NAV2: variants seen among roughly 807,000 people sequenced by gnomAD.
NAV2 encodes neuron navigator 2.
NAV2 carries 54 observed loss-of-function variants against 223.2 expected under a neutral mutation model. That is an observed-to-expected ratio of 0.24 (90% CI 0.19 to 0.30). The LOEUF (loss-of-function observed/expected upper bound fraction) is 0.30, where lower values mean the gene tolerates loss of function less well. Ranked by LOEUF, NAV2 falls within the 10% of genes least tolerant of loss-of-function variation. NAV2 has a pLI of 1.00. For missense variants in NAV2, 2,806 were observed against 3,147.5 expected, an observed-to-expected ratio of 0.89 and a Z score of 2.60; for synonymous variants, 1,279 against 1,239.3, an observed-to-expected ratio of 1.03 and a Z score of -0.67.
chr11:19,971,253 G>T (rs1243687787), intron 10 of NAV2, among the ~76,000 whole-genome samples: 2 of 152,054 alleles, frequency 1.3e-5, no homozygotes, highest in Non-Finnish European at 2.9e-5. Context: ...GCGAGGGACG[G>T]GGGTTATGTG....
chr11:19,638,771 G>A (rs1021486890), intron 1 of NAV2, among the ~76,000 whole-genome samples: 3 of 152,160 alleles, frequency 2.0e-5, no homozygotes, highest in Non-Finnish European at 4.4e-5. Context: ...GAGGCAGGCA[G>A]ATCACGAGGT....
At chr11:19,728,183 A>C (rs1559663) in intron 1 of NAV2, among the ~76,000 whole-genome samples, 4,557 of 152,270 alleles carry the variant, frequency 0.03, 232 homozygotes, top group African/African-American at 0.1. Context: ...GGCCACTGGC[A>C]TCACCATAGC....
At chr11:19,622,994 T>C (rs1036336709) in intron 1 of NAV2, among the ~76,000 whole-genome samples, 11 of 152,194 alleles carry the variant, frequency 7.2e-5, no homozygotes, top group Non-Finnish European at 1.5e-4. Context: ...TGCTTGTCTG[T>C]AAAGGATTTT....
chr11:19,716,234 G>A (rs1250376884), intron 1 of NAV2, among the ~76,000 whole-genome samples: 1 of 152,198 alleles, frequency 6.6e-6, no homozygotes, highest in African/African-American at 2.4e-5. Context: ...ATTTTTGGCA[G>A]GAGATTGGGT....
At chr11:19,663,289 G>A (rs2048334521) in intron 1 of NAV2, among the ~76,000 whole-genome samples, 1 of 152,172 alleles carries the variant, frequency 6.6e-6, no homozygotes, top group African/African-American at 2.4e-5. Flanking sequence ...TGATGTTTAT[G>A]GGGTGCTTAT....
rs1043353861 is a variant in NAV2 at position 19,787,275 on chromosome 11, T to A, written c.268-45209T>A. ...CTGGCTAATTTTTATTGGATCTTTTTTTTTTTTTTTTTTTTTTTTTTTTGG... is the reference window on the plus strand; with the variant it reads ...CTGGCTAATTTTTATTGGATCTTTTATTTTTTTTTTTTTTTTTTTTTTTGG... On this transcript the variant is annotated intron_variant, in intron 1 of 37. Transcript: ENST00000349880. Among the ~76,000 whole-genome samples the A allele has an allele frequency of 7.0e-3, 865 of 122,814 alleles. 45 individuals carry two copies. The highest frequency in any genetic ancestry group is 0.02 in the South Asian group (71 of 3,626). The allele number at this position is 122,814 out of a possible 152,430, so 80.6% of individuals were successfully genotyped here.
intron 1 of NAV2, chr11:19,385,164 CGA>C (rs1007402433): frequency 6.6e-6 from 1 of 152,096 alleles, no homozygotes; most frequent in Non-Finnish European, 1.5e-5. Flanking sequence ...GGCTAAAATA[CGA>C]GAGTCTAACA....
At chr11:19,725,022 G>A (rs1590188860) in intron 1 of NAV2, among the ~76,000 whole-genome samples, 2 of 152,216 alleles carry the variant, frequency 1.3e-5, no homozygotes, top group Non-Finnish European at 2.9e-5. Flanking sequence ...CATTGTGCAA[G>A]CTAAAGCAGT....
intron 1 of NAV2, among the ~76,000 whole-genome samples, chr11:19,632,145 T>C (rs1440362828): frequency 1.3e-5 from 2 of 152,210 alleles, no homozygotes; most frequent in South Asian, 4.1e-4. Flanking sequence ...CTGTATTGGT[T>C]GGATTTCCTG....
In NAV2 at chr11:20,048,775, A is replaced by G. The variant is rs1337751062; in HGVS notation, c.3950A>G (p.Glu1317Gly). 3 of 1,614,174 alleles carry G rather than the reference A, an allele frequency of 1.9e-6. No homozygotes were observed. The highest frequency in any genetic ancestry group is 1.1e-5 in the South Asian group (1 of 91,082). ...AAGCAAGTGCCCATCGCCACAGCTG[A>G]AAACATGAAAAATTCGGTGGTCATC... ...PTKQVPIATA[E>G]NMKNSVVISN... is the part of the protein sequence containing the mutation. The change falls in exon 15 of 38, where the codon GAA (glutamate) becomes GGA (glycine). Residue 1317 changes from glutamate to glycine, a missense_variant. Around this residue, in one of 4 missense-constraint regions of NAV2, gnomAD observed 742 missense variants for 777.9 expected, o/e 0.95. Transcript: ENST00000349880.
At chr11:20,113,755 T>C (rs974182962) in intron 36 of NAV2, among the ~76,000 whole-genome samples, 1 of 152,176 alleles carries the variant, frequency 6.6e-6, no homozygotes, top group African/African-American at 2.4e-5. Flanking sequence ...ACACCTATAA[T>C]CCCAGACCTT....
At chr11:19,793,082 A>C (rs1198588215) in intron 1 of NAV2, among the ~76,000 whole-genome samples, 1 of 151,552 alleles carries the variant, frequency 6.6e-6, no homozygotes, top group Admixed American at 6.6e-5. Flanking sequence ...GGTGGTGGGC[A>C]CCTGTAATCC....
chr11:20,031,714 C>T (rs1821202004), intron 11 of NAV2, among the ~76,000 whole-genome samples: 2 of 147,544 alleles, frequency 1.4e-5, no homozygotes, highest in Admixed American at 1.3e-4. Context: ...GGCTCTATTG[C>T]ATTTTTCTTC....
At chr11:19,799,660 G>T (rs1352470244) in intron 1 of NAV2, among the ~76,000 whole-genome samples, 2 of 152,104 alleles carry the variant, frequency 1.3e-5, no homozygotes, top group African/African-American at 4.8e-5. Flanking sequence ...ACCTGCCCCT[G>T]CCAGGACAGT....
chr11:19,822,678 AGAG>A (rs2152857131), intron 1 of NAV2, among the ~76,000 whole-genome samples: 1 of 152,350 alleles, frequency 6.6e-6, no homozygotes, highest in African/African-American at 2.4e-5. Flanking sequence ...GCAGATAAAA[AGAG>A]AAGAAACCAG....
At chr11:19,409,313 AG>A (rs1564914296) in intron 1 of NAV2, among the ~76,000 whole-genome samples, 1 of 152,240 alleles carries the variant, frequency 6.6e-6, no homozygotes, top group African/African-American at 2.4e-5. Context: ...GATTTAACAA[AG>A]CATGGAGACT....
Position 20,103,712 on chromosome 11 carries a change from A to G in NAV2, c.6632A>G (p.His2211Arg). 1 of 1,614,110 alleles carries G rather than the reference A, an allele frequency of 6.2e-7. No homozygotes were observed. The highest frequency in any genetic ancestry group is 8.5e-7 in the Non-Finnish European group (1 of 1,179,950). ...ATSSTPNLQL[H>R]HNFRWVLCAN... The stretch of plus-strand genomic sequence containing the variant: ...TCTTCGACTCCCAACCTGCAGCTTC[A>G]CCATAACTTCAGGTCAGTTTTCCCT... The change falls in exon 34 of 38, where the codon CAC becomes CGC. Residue 2211 changes from histidine (H) to arginine (R), a missense_variant. Around this residue, in one of 4 missense-constraint regions of NAV2, gnomAD observed 824 missense variants for 1,069.4 expected, o/e 0.77. Coordinates refer to ENST00000349880, the MANE Select transcript of NAV2 (RefSeq NM_145117.5).
intron 1 of NAV2, among the ~76,000 whole-genome samples, chr11:19,610,036 C>G (rs1287177668): frequency 6.6e-6 from 1 of 152,176 alleles, no homozygotes; most frequent in African/African-American, 2.4e-5. Flanking sequence ...ATCAGATGCC[C>G]AAAACCAGGA....
In NAV2 at chr11:19,457,949, G is replaced by A. The variant is rs12803805; in HGVS notation, c.75+106922G>A. ...ACATGCACGGAATAGGGCACAAGGA[G>A]TTAGAGAAGAAAGATGGCAGGGGGT... is the stretch of plus-strand genomic sequence containing the variant. On this transcript the variant is annotated intron_variant, in intron 1 of 37. Transcript: ENST00000360655. Among the ~76,000 whole-genome samples the A allele has an allele frequency of 1.8e-3, 272 of 152,282 alleles. 1 individual carries two copies. Among genetic ancestry groups the A allele is most frequent in the Middle Eastern group, 6.8e-3 (2 of 294 alleles).
Sources: gnomAD v4.1 joint callset for allele counts (sites outside exome capture counted in the v4.1 genomes callset) on GRCh38, gnomAD v4.1.1 for gene constraint, gnomAD v4.1.1 regional missense constraint, MANE v1.5 for transcripts, NCBI Gene and HGNC (gene_info 2026-07-23, HGNC 2026-07-21) for gene names.